Variants in PTDSS1 observed in about 807,000 individuals in gnomAD.
PTDSS1 encodes PSS-1.
In PTDSS1, 45 loss-of-function variants were observed where a neutral mutation model predicts 70.5. The ratio of observed to expected loss-of-function variants is 0.64; its 90% CI spans 0.50 to 0.82. The LOEUF is 0.82. Among genes scored for constraint, PTDSS1 ranks in the 40% least tolerant of loss-of-function variants. The probability of loss-of-function intolerance (pLI) is 0.00; values close to 1 mark genes in which losing one functional copy is unlikely to be tolerated. For synonymous variants in PTDSS1, 188 were observed against 203.8 expected (o/e 0.92, Z 0.66); for missense variants, 417 against 586.1 (o/e 0.71, Z 2.98).
chr8:96,285,102 G>A (rs1488949497), intron 3 of PTDSS1, among the ~76,000 whole-genome samples: 1 of 152,236 alleles, frequency 6.6e-6, no homozygotes, highest in Non-Finnish European at 1.5e-5. Context: ...TCTGGAGTTA[G>A]TAGGAAGCTA....
intron 8 of PTDSS1, among the ~76,000 whole-genome samples, chr8:96,306,785 C>T (rs904746122): frequency 3.3e-5 from 5 of 152,152 alleles, no homozygotes; most frequent in Non-Finnish European, 7.4e-5. Context: ...TAGTACTATC[C>T]ATTATTATCA....
In PTDSS1 at chr8:96,289,914, G is replaced by A. The variant is rs139098974; in HGVS notation, c.441+2768G>A. On this transcript the variant is annotated intron_variant, in intron 4 of 12. Transcript: ENST00000517309. ...TTTTTACTCTAAGGGAGAGAATGACGGAGGTTGACTTCTTAGCCTATGATG... is the reference window on the plus strand; with the variant it reads ...TTTTTACTCTAAGGGAGAGAATGACAGAGGTTGACTTCTTAGCCTATGATG... 6.1e-3 allele frequency among the ~76,000 whole-genome samples: 935 copies of A among 152,278 alleles called. 2 individuals carry two copies. Among genetic ancestry groups the A allele is most frequent in the Non-Finnish European group, 9.5e-3 (646 of 68,034 alleles).
chr8:96,312,958 C>A (rs180819221), intron 9 of PTDSS1, among the ~76,000 whole-genome samples: 92 of 152,278 alleles, frequency 6.0e-4, no homozygotes, highest in African/African-American at 2.2e-3. Context: ...TTATAGCTTT[C>A]TTTTCACTAA....
intron 7 of PTDSS1, among the ~76,000 whole-genome samples, chr8:96,305,444 G>A (rs889452963): frequency 1.3e-5 from 2 of 152,114 alleles, no homozygotes; most frequent in African/African-American, 4.8e-5. Flanking sequence ...TTGCTACCTG[G>A]AGCTGGGCTC....
intron 9 of PTDSS1, among the ~76,000 whole-genome samples, chr8:96,317,757 G>GA (rs59546397): frequency 0.37 from 56,527 of 151,700 alleles, 11,899 homozygotes; most frequent in East Asian, 0.6. Context: ...CAAAAAAACA[G>GA]AAAAAACTTT....
intron 7 of PTDSS1, among the ~76,000 whole-genome samples, chr8:96,305,632 G>A (rs970345004): frequency 3.9e-5 from 6 of 152,268 alleles, no homozygotes; most frequent in East Asian, 3.9e-4. Flanking sequence ...TGTCCCAGGC[G>A]TGTGCTGCAC....
chr8:96,282,914 G>A (rs1810761182), intron 2 of PTDSS1, among the ~76,000 whole-genome samples: 1 of 152,164 alleles, frequency 6.6e-6, no homozygotes, highest in African/African-American at 2.4e-5. Context: ...ACCACCCACA[G>A]AGCTGTTCTA....
intron 2 of PTDSS1, among the ~76,000 whole-genome samples, chr8:96,278,007 C>A (rs1229077432): frequency 6.6e-6 from 1 of 152,198 alleles, no homozygotes; most frequent in Admixed American, 6.5e-5. Context: ...CCTGTGAAGA[C>A]CCAGCTTCTT....
At chr8:96,300,725 G>T (rs1364820971) in intron 6 of PTDSS1, among the ~76,000 whole-genome samples, 1 of 152,126 alleles carries the variant, frequency 6.6e-6, no homozygotes, top group Non-Finnish European at 1.5e-5. Flanking sequence ...ATTTTAAAGG[G>T]CTTCTTTGTA....
At chr8:96,292,999 G>C (rs553583600) in intron 4 of PTDSS1, among the ~76,000 whole-genome samples, 1 of 152,326 alleles carries the variant, frequency 6.6e-6, no homozygotes, top group Non-Finnish European at 1.5e-5. Flanking sequence ...TTGGGCTGGA[G>C]ACCTGGCGTG....
chr8:96,304,943 T>C (rs1348145318), intron 7 of PTDSS1, among the ~76,000 whole-genome samples: 1 of 152,224 alleles, frequency 6.6e-6, no homozygotes, highest in Non-Finnish European at 1.5e-5. Flanking sequence ...GATGTCACTT[T>C]TAGGACAGAT....
intron 9 of PTDSS1, among the ~76,000 whole-genome samples, chr8:96,314,354 T>C (rs572004637): frequency 2.0e-5 from 3 of 152,092 alleles, no homozygotes; most frequent in African/African-American, 7.2e-5. Context: ...GCCTAGACTG[T>C]CTGTCTTAAG....
chr8:96,286,102 C>T (rs139882464), intron 3 of PTDSS1, among the ~76,000 whole-genome samples: 20 of 152,220 alleles, frequency 1.3e-4, no homozygotes, highest in South Asian at 4.1e-4. Flanking sequence ...ATTCCAGCCA[C>T]GGACGTGCTC....
At chr8:96,274,620 G>A (rs566571551) in intron 2 of PTDSS1, among the ~76,000 whole-genome samples, 35 of 152,306 alleles carry the variant, frequency 2.3e-4, no homozygotes, top group Admixed American at 1.8e-3. Context: ...AGCTACTCGC[G>A]AAGCTGAGGC....
At chr8:96,301,795 C>A (rs576713798) in intron 6 of PTDSS1, among the ~76,000 whole-genome samples, 1 of 151,846 alleles carries the variant, frequency 6.6e-6, no homozygotes, top group Non-Finnish European at 1.5e-5. Flanking sequence ...GGATTACAGG[C>A]GTGAGCACCG....
intron 6 of PTDSS1, among the ~76,000 whole-genome samples, chr8:96,300,278 G>A (rs1029350906): frequency 1.3e-5 from 2 of 152,004 alleles, no homozygotes; most frequent in African/African-American, 2.4e-5. Flanking sequence ...GGCTTCTCAT[G>A]GTCTTTGGTC....
chr8:96,270,348 T>C (rs1464772430), intron 1 of PTDSS1, among the ~76,000 whole-genome samples: 1 of 152,106 alleles, frequency 6.6e-6, no homozygotes, highest in Non-Finnish European at 1.5e-5. Flanking sequence ...TGATTAACTA[T>C]GGAAACTTCA....
intron 4 of PTDSS1, 82 bp from the exon 5 acceptor site, chr8:96,295,016 T>G: frequency 7.4e-7 from 1 of 1,347,376 alleles, no homozygotes; most frequent in Admixed American, 2.3e-5. Context: ...TTCATATCTA[T>G]TCTTTTTATT....
chr8:96,319,422 A>G (rs1217201641), intron 9 of PTDSS1, among the ~76,000 whole-genome samples: 1 of 152,178 alleles, frequency 6.6e-6, no homozygotes, highest in Non-Finnish European at 1.5e-5. Context: ...TTTTATAGTC[A>G]TAAATGAAGA....
Sources: gnomAD v4.1 joint callset for allele counts (sites outside exome capture counted in the v4.1 genomes callset) on GRCh38, gnomAD v4.1.1 for gene constraint, MANE v1.5 for transcripts, NCBI Gene and HGNC (gene_info 2026-07-23, HGNC 2026-07-21) for gene names.